NUP155: variants seen among roughly 807,000 people sequenced by gnomAD.
NUP155 encodes the protein nucleoporin 155, also known as nuclear pore complex protein Nup155.
A neutral mutation model predicts 180.4 loss-of-function variants in NUP155; 71 were observed. The observed-to-expected ratio is 0.39, with a 90% CI of 0.33 to 0.48. NUP155 has a LOEUF of 0.48. Among genes scored for constraint, NUP155 ranks in the 20% least tolerant of loss-of-function variants. NUP155 has a pLI of 0.91. For synonymous variants in NUP155, 582 were observed against 559.5 expected (o/e 1.04, Z -0.57); for missense variants, 1,553 against 1,648.9 (o/e 0.94, Z 1.01).
At chr5:37,338,063 G>A in intron 11 of NUP155, 145 bp from the exon 12 acceptor site, 1 of 581,054 alleles carries the variant, frequency 1.7e-6, no homozygotes, top group East Asian at 3.0e-5. Flanking sequence ...GCTCATGCCT[G>A]TAATCCCAGC....
rs146014062 is a variant in NUP155 at position 37,359,790 on chromosome 5, G to C, written c.393-1639C>G. On this transcript the variant is annotated intron_variant, in intron 3 of 34. Transcript: ENST00000231498. ...GCTATGAATCCAAACTATCAGACAA[G>C]AAATGTAAAGTAACTATGAACTATA... 1.2e-3 allele frequency among the ~76,000 whole-genome samples: 178 copies of C among 152,172 alleles called. No homozygotes were observed. The Middle Eastern group carries it at 0.017, about 15-fold the overall frequency.
chr5:37,322,892 G>C (rs571055097), intron 20 of NUP155, among the ~76,000 whole-genome samples: 11 of 151,772 alleles, frequency 7.2e-5, no homozygotes, highest in African/African-American at 2.4e-4. Flanking sequence ...AGAATCGCTT[G>C]AACCTAGGAG....
chr5:37,328,616 G>C (rs1337082926), intron 16 of NUP155, among the ~76,000 whole-genome samples, 196 bp from the exon 17 acceptor site: 2 of 152,028 alleles, frequency 1.3e-5, no homozygotes, highest in Admixed American at 6.6e-5. Flanking sequence ...CGATTCTCCC[G>C]TCTCAGCCTC....
chr5:37,325,524 T>C (rs543965132), intron 19 of NUP155, among the ~76,000 whole-genome samples: 16 of 152,194 alleles, frequency 1.1e-4, no homozygotes, highest in Non-Finnish European at 2.1e-4. Context: ...ATCTTAGCAC[T>C]TTGGGAAGCC....
intron 6 of NUP155, among the ~76,000 whole-genome samples, 180 bp downstream of exon 6, chr5:37,351,010 T>G (rs1260653993): frequency 3.3e-5 from 5 of 152,116 alleles, no homozygotes; most frequent in Admixed American, 3.3e-4. Flanking sequence ...GACTTTTACC[T>G]CTGAGGGCTG....
At position 37,289,017 on chromosome 5, in the gene NUP155, G is replaced by A. The variant is rs1239907658; in HGVS notation, c.*2883C>T. 1.3e-5 allele frequency: 2 copies of A among 154,310 alleles called. No homozygotes were observed. Among genetic ancestry groups the A allele is most frequent in the East Asian group, 3.8e-4 (2 of 5,288 alleles). 9.6% of individuals were successfully genotyped at this position (154,310 alleles called of 1,614,324 possible). On this transcript the variant is annotated 3_prime_UTR_variant, in exon 35 of 35. Transcript: ENST00000231498. Reference sequence around the variant, plus strand: ...ACCCAGGAAGTGGAGGTTGTGGTGAGCCAAGATCGTGCCATTGCACTCCAG... The same window carrying A: ...ACCCAGGAAGTGGAGGTTGTGGTGAACCAAGATCGTGCCATTGCACTCCAG...
At chr5:37,310,492 G>T in intron 23 of NUP155, 60 bp downstream of exon 23, 1 of 1,373,152 alleles carries the variant, frequency 7.3e-7, no homozygotes, top group South Asian at 1.2e-5. Flanking sequence ...GAAACAAGAT[G>T]GTTCATCATA....
chr5:37,304,969 A>T, intron 26 of NUP155, 88 bp downstream of exon 26: 1 of 1,543,790 alleles, frequency 6.5e-7, no homozygotes, highest in Non-Finnish European at 8.9e-7. Context: ...AAGAACTACC[A>T]CCTTTCCCCA....
chr5:37,330,958 G>C (rs778445299), intron 14 of NUP155, among the ~76,000 whole-genome samples: 1 of 151,260 alleles, frequency 6.6e-6, no homozygotes, highest in Non-Finnish European at 1.5e-5. Flanking sequence ...GACCATCCTG[G>C]CTAACATGAT....
intron 3 of NUP155, among the ~76,000 whole-genome samples, chr5:37,361,265 CAAAAAAAAA>C (rs35489900): frequency 3.3e-4 from 26 of 78,030 alleles, no homozygotes; most frequent in South Asian, 1.9e-3. Flanking sequence ...GACTCTGTCT[CAAAAAAAAA>C]AAAAAAAAAA....
chr5:37,343,615 G>A (rs1745885779), intron 9 of NUP155, among the ~76,000 whole-genome samples: 1 of 152,158 alleles, frequency 6.6e-6, no homozygotes, highest in African/African-American at 2.4e-5. Flanking sequence ...GAAAGGCCAG[G>A]TGCAGTGACT....
chr5:37,307,573 T>C (rs1478436992), intron 24 of NUP155, 141 bp from the exon 25 acceptor site: 3 of 825,600 alleles, frequency 3.6e-6, no homozygotes, highest in Non-Finnish European at 2.0e-6. Context: ...ATATTTCTGA[T>C]AGGTCTTCAG....
Position 37,348,573 on chromosome 5 carries a change from T to A in NUP155, c.927A>T (p.Gly309=). 6.2e-7 allele frequency: 1 copy of A among 1,610,394 alleles called. No individual in the cohort carries two copies. Among genetic ancestry groups the A allele is most frequent in the South Asian group, 1.1e-5 (1 of 91,004 alleles). ...CAGAGGCAACTCTGCTCATTCCTTG[T>A]CCATCTTGTCCCAAATCATACACCT... The part of the protein sequence containing the change: ...VIQVYDLGQD[G]QGMSRVASVS... The change falls in exon 9 of 35, where the codon GGA becomes GGT. Residue 309 remains glycine, a synonymous_variant. Coordinates refer to ENST00000231498, the MANE Select transcript of NUP155 (RefSeq NM_153485.3).
intron 4 of NUP155, among the ~76,000 whole-genome samples, chr5:37,357,399 CA>C (rs397997409): frequency 0.22 from 6,949 of 30,924 alleles, 28 homozygotes; most frequent in Middle Eastern, 0.37. Flanking sequence ...ACCTTAATCT[CA>C]AAAAAAAAAA....
At chr5:37,299,883 A>G (rs1190771506) in intron 30 of NUP155, among the ~76,000 whole-genome samples, 2 of 151,866 alleles carry the variant, frequency 1.3e-5, no homozygotes, top group Admixed American at 6.6e-5. Flanking sequence ...AATTTAAAAA[A>G]AAAAAAAATT....
intron 22 of NUP155, 74 bp from the exon 23 acceptor site, chr5:37,310,817 A>C (rs1013729733): frequency 3.3e-5 from 39 of 1,168,054 alleles, no homozygotes; most frequent in Non-Finnish European, 4.7e-5. Flanking sequence ...TATTTTAATA[A>C]ATTAAAATAA....
intron 27 of NUP155, 141 bp from the exon 28 acceptor site, chr5:37,303,555 C>T (rs1742979381): frequency 1.4e-6 from 1 of 713,798 alleles, no homozygotes; most frequent in African/African-American, 1.8e-5. Context: ...CCAATACTAA[C>T]AGATAAAAGA....
At position 37,300,497 on chromosome 5, in the gene NUP155, A is replaced by G. The variant is rs1389354743; in HGVS notation, c.3562-929T>C. On this transcript the variant is annotated intron_variant, in intron 30 of 34. Coordinates refer to ENST00000231498, the MANE Select transcript of NUP155 (RefSeq NM_153485.3). ...TCACAGGAATACTGACAAATCTCAA[A>G]GTGTTTCAGGGTACCTGGAACTATG... Among the ~76,000 whole-genome samples, 3 of 87,106 alleles carry G rather than the reference A, an allele frequency of 3.4e-5. No homozygotes were observed. The East Asian group carries it at 1.4e-3, about 42-fold the overall frequency. The allele number at this position is 87,106 out of a possible 152,430, so 57.1% of individuals were successfully genotyped here.
intron 4 of NUP155, among the ~76,000 whole-genome samples, chr5:37,357,399 C>CAAAAAAAAAAAA (rs397997409): frequency 2.2e-4 from 7 of 31,294 alleles, no homozygotes; most frequent in East Asian, 1.1e-3. Context: ...ACCTTAATCT[C>CAAAAAAAAAAAA]AAAAAAAAAA....
Sources: allele counts gnomAD v4.1 joint callset (sites outside exome capture counted in the v4.1 genomes callset), GRCh38; gene constraint gnomAD v4.1.1; transcripts MANE v1.5; gene names NCBI Gene and HGNC (gene_info 2026-07-23, HGNC 2026-07-21).